SBSPON: variants seen among roughly 807,000 people sequenced by gnomAD.
The protein encoded by SBSPON is somatomedin B and thrombospondin type 1 domain containing.
A neutral mutation model predicts 35.8 loss-of-function variants in SBSPON; 30 were observed. That is an observed-to-expected ratio of 0.84 (90% CI 0.63 to 1.14). The LOEUF is 1.14. SBSPON is among the 50% of genes most tolerant of loss of function. The pLI, the probability that SBSPON is intolerant of heterozygous loss-of-function variation, is 0.00. For missense variants in SBSPON, 364 were observed against 357.7 expected, an observed-to-expected ratio of 1.02 and a Z score of -0.14; for synonymous variants, 136 against 135.9, an observed-to-expected ratio of 1.00 and a Z score of 0.00.
intron 2 of SBSPON, among the ~76,000 whole-genome samples, chr8:73,073,846 C>T: frequency 6.6e-6 from 1 of 151,848 alleles, no homozygotes; most frequent in Non-Finnish European, 1.5e-5. Context: ...CAGACAAGAG[C>T]AGCTGCCTAA....
At chr8:73,088,110 G>A (rs552206823) in intron 1 of SBSPON, among the ~76,000 whole-genome samples, 1 of 152,308 alleles carries the variant, frequency 6.6e-6, no homozygotes, top group East Asian at 1.9e-4. Context: ...GATCATTCCA[G>A]AACAGATGTC....
intron 2 of SBSPON, 38 bp downstream of exon 2, chr8:73,080,981 A>G: frequency 6.6e-7 from 1 of 1,507,874 alleles, no homozygotes. Flanking sequence ...AAAAGTCATC[A>G]CAGATAACAA....
chr8:73,086,892 A>C (rs1487386358), intron 1 of SBSPON, among the ~76,000 whole-genome samples: 2 of 152,234 alleles, frequency 1.3e-5, no homozygotes, highest in East Asian at 3.8e-4. Flanking sequence ...TAGTTAAGGA[A>C]AGAAAATCTT....
rs529907509 is a variant in SBSPON, at chr8:73,066,016, A to G, written c.*1325T>C. On this transcript the variant is annotated 3_prime_UTR_variant, in exon 5 of 5. Transcript: ENST00000297354. ...ATTGCTACTCTCGGTGTTATTAATTATTGGGGAAATCTCCATCCTTATTGC... is the reference window on the plus strand; with the variant it reads ...ATTGCTACTCTCGGTGTTATTAATTGTTGGGGAAATCTCCATCCTTATTGC... 5 of 152,232 alleles carry G rather than the reference A, an allele frequency of 3.3e-5. No homozygotes were observed. The South Asian group carries it at 1.0e-3, about 32-fold the overall frequency. The allele number at this position is 152,232 out of a possible 1,614,324, so 9.4% of individuals were successfully genotyped here.
At chr8:73,091,254 G>A (rs551230417) in intron 1 of SBSPON, among the ~76,000 whole-genome samples, 11 of 152,302 alleles carry the variant, frequency 7.2e-5, no homozygotes, top group South Asian at 4.1e-4. Context: ...GCCCAGGCTC[G>A]CCCATTACTT....
chr8:73,067,420 C>T lies in SBSPON; in HGVS notation c.716G>A (p.Arg239Gln), dbSNP rs189764328. Residue 239 changes from arginine to glutamine, a missense_variant, in exon 5 of 5, where the codon CGG becomes CAG. Coordinates refer to ENST00000297354, the MANE Select transcript of SBSPON (RefSeq NM_153225.4). Reference sequence around the variant, plus strand: ...AACTTTTTTCCAAGTTCCTTGACACCGAGGATTACCAATTGCTTGCCAATG... The same window carrying T: ...AACTTTTTTCCAAGTTCCTTGACACTGAGGATTACCAATTGCTTGCCAATG... Reference protein sequence around the residue: ...TLHWQAIGNPRCQGTWKKVRR... With the variant: ...TLHWQAIGNPQCQGTWKKVRR... The T allele has an allele frequency of 1.8e-5, 29 of 1,610,812 alleles. No homozygotes were observed. Among genetic ancestry groups the T allele is most frequent in the South Asian group, 9.9e-5 (9 of 90,968 alleles).
intron 2 of SBSPON, among the ~76,000 whole-genome samples, chr8:73,080,621 C>T: frequency 6.6e-6 from 1 of 152,226 alleles, no homozygotes; most frequent in South Asian, 2.1e-4. Flanking sequence ...ACAGGAATTG[C>T]AGTGGAAGGT....
Position 73,092,886 on chromosome 8 carries a change from TC to T in SBSPON, c.181del (p.Asp61ThrfsTer81). Reference protein sequence around the residue: ...FCDQACRFTGDCCFDYDRACP... With the variant: ...FCDQACRFTGXCCFDYDRACP... ...CGCCCTGTCGTAGTCGAAGCAGCAGTCCCCGGTGAAGCGACAGGCTTGGTCG... is the reference window on the plus strand; with the variant it reads ...CGCCCTGTCGTAGTCGAAGCAGCAGTCCCGGTGAAGCGACAGGCTTGGTCG... On this transcript the variant is annotated frameshift_variant, in exon 1 of 5. Coordinates refer to ENST00000297354, the MANE Select transcript of SBSPON (RefSeq NM_153225.4). LOFTEE classifies it high-confidence loss of function. 1 of 1,611,568 alleles carries T rather than the reference TC, an allele frequency of 6.2e-7. No individual in the cohort carries two copies. Among genetic ancestry groups the T allele is most frequent in the East Asian group, 2.2e-5 (1 of 44,666 alleles).
In SBSPON at chr8:73,065,937, T is replaced by C. The variant is rs1010338116; in HGVS notation, c.*1404A>G. 1.3e-5 allele frequency: 2 copies of C among 152,096 alleles called. No homozygotes were observed. Among genetic ancestry groups the C allele is most frequent in the African/African-American group, 4.8e-5 (2 of 41,410 alleles). 9.4% of individuals were successfully genotyped at this position (152,096 alleles called of 1,614,324 possible). A position where few individuals can be genotyped will look rare whatever the true frequency, so the allele number is the denominator to read the frequency against. On this transcript the variant is annotated 3_prime_UTR_variant, in exon 5 of 5. Coordinates refer to ENST00000297354, the MANE Select transcript of SBSPON (RefSeq NM_153225.4). ...TATTTTATTATTAATTTCTGAAGAATTTAATTTTCCACAAAAACAACTTTG... is the reference window on the plus strand; with the variant it reads ...TATTTTATTATTAATTTCTGAAGAACTTAATTTTCCACAAAAACAACTTTG...
At chr8:73,073,766 T>C (rs1052955063) in intron 2 of SBSPON, among the ~76,000 whole-genome samples, 4 of 149,646 alleles carry the variant, frequency 2.7e-5, no homozygotes, top group African/African-American at 9.9e-5. Context: ...ATCACACCAC[T>C]GCACTGCAGC....
Position 73,075,739 on chromosome 8 carries a change from C to T in SBSPON, c.410-3869G>A, listed in dbSNP as rs115244425. The stretch of plus-strand genomic sequence containing the variant: ...TGTCACAAAAGCAGGCCTGGGATCA[C>T]TGGTCTATAGTACAGAAGAGAGTAA... On this transcript the variant is annotated intron_variant, in intron 2 of 4. Transcript: ENST00000297354. 86 of 924,128 alleles carry T rather than the reference C, an allele frequency of 9.3e-5. No homozygotes were observed. In the African/African-American group the frequency reaches 1.4e-3, roughly 15 times the overall value. The allele number at this position is 924,128 out of a possible 1,614,324, so 57.2% of individuals were successfully genotyped here.
At chr8:73,074,693 A>G (rs1810558288) in intron 2 of SBSPON, 1 of 395,208 alleles carries the variant, frequency 2.5e-6, no homozygotes, top group African/African-American at 2.2e-5. Context: ...ATTATGCTCT[A>G]TGTGAAGTCA....
chr8:73,089,754 C>A (rs1334850226), intron 1 of SBSPON, among the ~76,000 whole-genome samples: 2 of 152,134 alleles, frequency 1.3e-5, no homozygotes, highest in South Asian at 2.1e-4. Flanking sequence ...GTGCTAAGAG[C>A]CAACCAACAG....
rs1445088146 is a variant in SBSPON at position 73,065,126 on chromosome 8, A to C, written c.*2215T>G. The C allele has an allele frequency of 6.6e-6, 1 of 152,206 alleles. No individual in the cohort carries two copies. Among genetic ancestry groups the C allele is most frequent in the Non-Finnish European group, 1.5e-5 (1 of 68,032 alleles). The allele number at this position is 152,206 out of a possible 1,614,324, so 9.4% of individuals were successfully genotyped here. Reference sequence around the variant, plus strand: ...TTTCAAAACTGTTATTTAACAGTTAACTCCTCTAGCCCATAAAATTTTCTC... The same window carrying C: ...TTTCAAAACTGTTATTTAACAGTTACCTCCTCTAGCCCATAAAATTTTCTC... On this transcript the variant is annotated 3_prime_UTR_variant, in exon 5 of 5. Coordinates refer to ENST00000297354, the MANE Select transcript of SBSPON (RefSeq NM_153225.4).
chr8:73,069,774 G>A, intron 4 of SBSPON, 31 bp downstream of exon 4: 1 of 1,584,760 alleles, frequency 6.3e-7, no homozygotes, highest in East Asian at 2.2e-5. Context: ...TGAGTGACAA[G>A]AAAAGTACTT....
rs370315589 is a variant in SBSPON at position 73,068,666 on chromosome 8, T to C, written c.677+1139A>G. Among the ~76,000 whole-genome samples the C allele has an allele frequency of 4.0e-4, 61 of 152,318 alleles. 1 individual carries two copies. The highest frequency in any genetic ancestry group is 1.5e-3 in the African/African-American group (61 of 41,576). On this transcript the variant is annotated intron_variant, in intron 4 of 4. Transcript: ENST00000297354. ...AAATCTACAGATTTATATAAGATTA[T>C]TATACCGCAGAGGTGACCCCACCAC...
At chr8:73,078,533 T>C (rs1586094566) in intron 2 of SBSPON, among the ~76,000 whole-genome samples, 1 of 152,070 alleles carries the variant, frequency 6.6e-6, no homozygotes, top group East Asian at 1.9e-4. Flanking sequence ...GTGAGTGCGA[T>C]GGCCTGGTGC....
At chr8:73,072,305 TAGAG>T (rs202055739) in intron 2 of SBSPON, among the ~76,000 whole-genome samples, 3,792 of 150,518 alleles carry the variant, frequency 0.025, 171 homozygotes, top group African/African-American at 0.087. Context: ...CAAAGAAGGA[TAGAG>T]AGAAGACAAA....
intron 2 of SBSPON, among the ~76,000 whole-genome samples, chr8:73,073,638 T>C (rs1218064810): frequency 6.6e-6 from 1 of 151,998 alleles, no homozygotes; most frequent in African/African-American, 2.4e-5. Context: ...AAACCCTGTC[T>C]CTACTAAAAA....
Sources: gnomAD v4.1 joint callset for allele counts (sites outside exome capture counted in the v4.1 genomes callset) on GRCh38, gnomAD v4.1.1 for gene constraint, MANE v1.5 for transcripts, NCBI Gene and HGNC (gene_info 2026-07-23, HGNC 2026-07-21) for gene names.